The following CSMD1 variants were observed in gnomAD, a reference collection of about 807,000 sequenced individuals.
The protein encoded by CSMD1 is CUB and Sushi multiple domains 1, also known as CUB and sushi domain-containing protein 1.
CSMD1 carries 213 observed loss-of-function variants against 417.5 expected under a neutral mutation model. That is an observed-to-expected ratio of 0.51 (90% confidence interval 0.46 to 0.57). The LOEUF (loss-of-function observed/expected upper bound fraction) is 0.57. CSMD1 is among the 20% of genes least tolerant of loss of function. CSMD1 has a pLI of 0.00. For synonymous variants in CSMD1, 2,862 were observed against 1,736.8 expected (o/e 1.65, Z -16.11); for missense variants, 6,923 against 4,529.7 (o/e 1.53, Z -15.17).
At chr8:3,918,001 A>T (rs1321405138) in intron 5 of CSMD1, among the ~76,000 whole-genome samples, 2 of 152,088 alleles carry the variant, frequency 1.3e-5, no homozygotes, top group African/African-American at 4.8e-5. Context: ...TTCCCGATTC[A>T]CGCATGCTGT....
At chr8:4,530,040 G>T (rs1008979902) in intron 2 of CSMD1, among the ~76,000 whole-genome samples, 1 of 151,890 alleles carries the variant, frequency 6.6e-6, no homozygotes, top group Non-Finnish European at 1.5e-5. Flanking sequence ...TCAGCCTCCA[G>T]AGTAGCTGGG....
At chr8:2,944,754 C>A (rs763544313) in intron 68 of CSMD1, among the ~76,000 whole-genome samples, 2 of 152,088 alleles carry the variant, frequency 1.3e-5, no homozygotes, top group Non-Finnish European at 2.9e-5. Context: ...GTTTCCATTA[C>A]GATGCCAAAC....
At chr8:3,237,221 A>T (rs2116944587) in intron 26 of CSMD1, among the ~76,000 whole-genome samples, 1 of 151,748 alleles carries the variant, frequency 6.6e-6, no homozygotes, top group Admixed American at 6.6e-5. Flanking sequence ...CAATCCTAGC[A>T]CTTTGGGAGG....
At position 3,052,495 on chromosome 8, in the gene CSMD1, A is replaced by C; in HGVS notation, c.7627T>G (p.Trp2543Gly). The change falls in exon 50 of 70, where the codon TGG (tryptophan) becomes GGG (glycine). Residue 2543 changes from tryptophan (W) to glycine (G), a missense_variant. Physicochemically the swap from Trp to Gly is radical, Grantham distance 184. Coordinates refer to ENST00000635120, the MANE Select transcript of CSMD1 (RefSeq NM_033225.6). ...GTGGGCGGCTTCCCCTTGTTACTCC[A>C]CAACCCATCTTCTTGACACACGGCT... is the stretch of plus-strand genomic sequence containing the variant. ...ATAVCQEDGL[W>G]SNKGKPPTCK... 6.3e-7 allele frequency: 1 copy of C among 1,591,938 alleles called. No homozygotes were observed. The highest frequency in any genetic ancestry group is 8.6e-7 in the Non-Finnish European group (1 of 1,168,692).
intron 2 of CSMD1, among the ~76,000 whole-genome samples, chr8:4,440,476 C>G (rs140176582): frequency 2.6e-5 from 4 of 152,176 alleles, no homozygotes; most frequent in Admixed American, 6.6e-5. Flanking sequence ...AAAAAAAAAT[C>G]TCAGCAACTG....
chr8:4,148,207 A>C (rs1796374771), intron 3 of CSMD1, among the ~76,000 whole-genome samples: 1 of 151,898 alleles, frequency 6.6e-6, no homozygotes, highest in African/African-American at 2.4e-5. Context: ...TGTAAGTTAT[A>C]AGTTGCTATA....
intron 28 of CSMD1, among the ~76,000 whole-genome samples, chr8:3,220,910 A>G (rs1304497196): frequency 6.6e-6 from 1 of 152,138 alleles, no homozygotes; most frequent in Non-Finnish European, 1.5e-5. Context: ...TCTTCTCTAT[A>G]GCAGGTTTTT....
chr8:3,477,196 A>G (rs1817483260), intron 11 of CSMD1, among the ~76,000 whole-genome samples: 2 of 152,216 alleles, frequency 1.3e-5, no homozygotes, highest in African/African-American at 4.8e-5. Context: ...AATAAAATGT[A>G]GCACCTGCAA....
Position 3,372,001 on chromosome 8 carries a change from T to A in CSMD1, c.2783-2631A>T, listed in dbSNP as rs548112825. On this transcript the variant is annotated intron_variant, in intron 18 of 69. Transcript: ENST00000635120. ...TTAATAATAAGAGAGATAAAATATC[T>A]GCCCTTCTAAAGTATGAATTCCAGT... Among the ~76,000 whole-genome samples the A allele has an allele frequency of 3.9e-5, 6 of 152,332 alleles. No individual in the cohort carries two copies. The South Asian group carries it at 1.2e-3, about 32-fold the overall frequency.
intron 1 of CSMD1, among the ~76,000 whole-genome samples, chr8:4,722,333 T>A (rs955535395): frequency 6.6e-6 from 1 of 152,188 alleles, no homozygotes; most frequent in Non-Finnish European, 1.5e-5. Flanking sequence ...ATATATTTAA[T>A]ATCCATGCAG....
At chr8:3,790,156 G>A (rs4601342) in intron 5 of CSMD1, among the ~76,000 whole-genome samples, 11,789 of 152,218 alleles carry the variant, frequency 0.077, 485 homozygotes, top group African/African-American at 0.093. Context: ...CTCACATGCC[G>A]TTTTATAATT....
chr8:4,491,058 C>T (rs1801672838), intron 2 of CSMD1, among the ~76,000 whole-genome samples: 1 of 152,056 alleles, frequency 6.6e-6, no homozygotes. Context: ...GTGAGGCGGT[C>T]GCCTGCCAGG....
intron 11 of CSMD1, among the ~76,000 whole-genome samples, chr8:3,484,031 C>T (rs945950130): frequency 2.0e-5 from 3 of 152,138 alleles, no homozygotes; most frequent in Non-Finnish European, 4.4e-5. Context: ...CTATCACAAT[C>T]CCAGCAATGT....
At position 3,930,564 on chromosome 8, in the gene CSMD1, A is replaced by G. The variant is rs1810070210; in HGVS notation, c.818+67339T>C. On this transcript the variant is annotated intron_variant, in intron 5 of 69. Transcript: ENST00000635120. ...AAGTTGCTAGCCAATCGGGACAAAT[A>G]CAGAATCTGAGGTCCCGTTCCAGCC... Among the ~76,000 whole-genome samples the G allele has an allele frequency of 1.3e-5, 2 of 150,246 alleles. 1 individual carries two copies. Among genetic ancestry groups the G allele is most frequent in the Non-Finnish European group, 3.0e-5 (2 of 67,512 alleles).
chr8:4,029,773 C>G lies in CSMD1; in HGVS notation c.610+2132G>C, dbSNP rs75937695. Among the ~76,000 whole-genome samples, 445 of 152,292 alleles carry G rather than the reference C, an allele frequency of 2.9e-3. 3 individuals are homozygous for G. The highest frequency in any genetic ancestry group is 0.01 in the African/African-American group (424 of 41,564). On this transcript the variant is annotated intron_variant, in intron 4 of 69. Transcript: ENST00000635120. ...GAAATTCCACCTTCCGAACTCTTAT[C>G]TGAGACAAAACAAGTATCTTCCTCT... is the stretch of plus-strand genomic sequence containing the variant.
chr8:3,559,546 G>A (rs1282264298), intron 10 of CSMD1, among the ~76,000 whole-genome samples: 1 of 152,062 alleles, frequency 6.6e-6, no homozygotes, highest in Admixed American at 6.6e-5. Flanking sequence ...GATGATAAAG[G>A]AAAAGAATTG....
chr8:4,670,165 T>C (rs1805205133), intron 1 of CSMD1, among the ~76,000 whole-genome samples: 1 of 152,188 alleles, frequency 6.6e-6, no homozygotes, highest in Non-Finnish European at 1.5e-5. Flanking sequence ...TACACTCACA[T>C]TAATTTTTGC....
intron 39 of CSMD1, among the ~76,000 whole-genome samples, chr8:3,151,807 G>A (rs1563090156): frequency 6.6e-6 from 1 of 152,130 alleles, no homozygotes; most frequent in Non-Finnish European, 1.5e-5. Flanking sequence ...TCACAGTCAG[G>A]CATCAAATGG....
intron 3 of CSMD1, among the ~76,000 whole-genome samples, chr8:4,188,252 C>T (rs966012496): frequency 6.6e-6 from 1 of 152,142 alleles, no homozygotes; most frequent in Non-Finnish European, 1.5e-5. Context: ...AAACAGCGCA[C>T]TTTTGGAGGC....
Sources: allele counts gnomAD v4.1 joint callset (sites outside exome capture counted in the v4.1 genomes callset), GRCh38; gene constraint gnomAD v4.1.1; transcripts MANE v1.5; gene names NCBI Gene and HGNC (gene_info 2026-07-23, HGNC 2026-07-21).